The following HEBP2 variants were observed in gnomAD, a reference collection of about 807,000 sequenced individuals.
HEBP2 encodes the protein heme binding protein 2.
Under a neutral mutation model 23.1 loss-of-function variants are expected in HEBP2, and 27 were observed. The observed-to-expected ratio is 1.17, with a 90% CI of 0.86 to 1.61. The LOEUF is 1.61. Among genes scored for constraint, HEBP2 ranks in the 40% most tolerant of loss-of-function variants. HEBP2 has a pLI of 0.00. For missense variants in HEBP2, 245 were observed against 253.8 expected (o/e 0.97, Z 0.24); for synonymous variants, 99 against 95.1 (o/e 1.04, Z -0.24).
At chr6:138,408,526 C>T (rs1321921270) in intron 3 of HEBP2, among the ~76,000 whole-genome samples, 3 of 152,150 alleles carry the variant, frequency 2.0e-5, no homozygotes, top group Non-Finnish European at 4.4e-5. Flanking sequence ...TCACCATGAT[C>T]TGGTATGACT....
At position 138,420,734 on chromosome 6, in the gene HEBP2, C is replaced by T. The variant is rs1156736310; in HGVS notation, c.*7656C>T. 6.6e-6 allele frequency: 1 copy of T among 152,264 alleles called. No individual in the cohort carries two copies. Among genetic ancestry groups the T allele is most frequent in the African/African-American group, 2.4e-5 (1 of 41,446 alleles). 9.4% of individuals were successfully genotyped at this position (152,264 alleles called of 1,614,324 possible). A position where few individuals can be genotyped will look rare whatever the true frequency, so the allele number is the denominator to read the frequency against. ...CTCCTCCAATGAGTGACCTTTTTCC[C>T]AGAGTTCCCCTGGGATGGCAGCTCG... On this transcript the variant is annotated 3_prime_UTR_variant, in exon 4 of 4. Transcript: ENST00000607197.
At position 138,404,329 on chromosome 6, in the gene HEBP2, G is replaced by A. The variant is rs1013616633; in HGVS notation, c.-167G>A. On this transcript the variant is annotated 5_prime_UTR_variant, in exon 1 of 4. Transcript: ENST00000607197. ...TGGCGGCGCCCCCTCGCGGTCCAGAGGCAGACGCATCGGGTGGGCTCGGGT... is the reference window on the plus strand; with the variant it reads ...TGGCGGCGCCCCCTCGCGGTCCAGAAGCAGACGCATCGGGTGGGCTCGGGT... 10 of 375,410 alleles carry A rather than the reference G, an allele frequency of 2.7e-5. No homozygotes were observed. Among genetic ancestry groups the A allele is most frequent in the Admixed American group, 1.9e-4 (4 of 20,936 alleles). The allele number at this position is 375,410 out of a possible 1,614,324, so 23.3% of individuals were successfully genotyped here. A position where few individuals can be genotyped will look rare whatever the true frequency, so the allele number is the denominator to read the frequency against.
chr6:138,407,421 A>G (rs960873222), intron 3 of HEBP2, among the ~76,000 whole-genome samples: 1 of 152,262 alleles, frequency 6.6e-6, no homozygotes, highest in Non-Finnish European at 1.5e-5. Flanking sequence ...CTTTGACTCA[A>G]AGCTCTTCCC....
Position 138,416,372 on chromosome 6 carries a change from A to G in HEBP2, c.*3294A>G, listed in dbSNP as rs1024007881. ...AGGAATGAGAAGGCTCAGGGAAGGGAGCATGCCAGCATGGATATATGAGGC... is the reference window on the plus strand; with the variant it reads ...AGGAATGAGAAGGCTCAGGGAAGGGGGCATGCCAGCATGGATATATGAGGC... On this transcript the variant is annotated 3_prime_UTR_variant, in exon 4 of 4. Coordinates refer to ENST00000607197, the MANE Select transcript of HEBP2 (RefSeq NM_014320.3). 4.6e-5 allele frequency: 7 copies of G among 152,310 alleles called. No homozygotes were observed. The highest frequency in any genetic ancestry group is 8.8e-5 in the Non-Finnish European group (6 of 68,092). 9.4% of individuals were successfully genotyped at this position (152,310 alleles called of 1,614,324 possible).
chr6:138,404,134 G>C, upstream of HEBP2: 1 of 226,818 alleles, frequency 4.4e-6, no homozygotes. Context: ...TGCCCGCGGG[G>C]CCACCTGTGT....
At chr6:138,410,070 T>C (rs1382622742) in intron 3 of HEBP2, among the ~76,000 whole-genome samples, 1 of 152,174 alleles carries the variant, frequency 6.6e-6, no homozygotes, top group Admixed American at 6.5e-5. Context: ...AATGACACCT[T>C]TTCTGTGATG....
At position 138,405,300 on chromosome 6, in the gene HEBP2, T is replaced by C. The variant is rs1485495476; in HGVS notation, c.238+20T>C. On this transcript the variant is annotated intron_variant, in intron 2 of 3. Transcript: ENST00000607197. ...AGAAAGGTAAAAGCAGTTTTCCTTG[T>C]AATTATGCATATTGTGAAAGAGTCC... The C allele has an allele frequency of 6.2e-7, 1 of 1,613,882 alleles. No individual in the cohort carries two copies. The highest frequency in any genetic ancestry group is 1.7e-5 in the Admixed American group (1 of 59,998).
Position 138,404,417 on chromosome 6 carries a change from C to A in HEBP2, c.-79C>A. On this transcript the variant is annotated 5_prime_UTR_variant, in exon 1 of 4. Coordinates refer to ENST00000607197, the MANE Select transcript of HEBP2 (RefSeq NM_014320.3). The stretch of plus-strand genomic sequence containing the variant: ...GCGGGGACTCGGGGCCTCGGCGGGG[C>A]GCGCACACGCAGGCGGGGCGGCCCG... The A allele has an allele frequency of 3.1e-6, 3 of 980,394 alleles. No homozygotes were observed. The highest frequency in any genetic ancestry group is 3.9e-6 in the Non-Finnish European group (3 of 766,906). 60.7% of individuals were successfully genotyped at this position (980,394 alleles called of 1,614,324 possible). A position where few individuals can be genotyped will look rare whatever the true frequency, so the allele number is the denominator to read the frequency against.
upstream of HEBP2, among the ~76,000 whole-genome samples, chr6:138,404,030 C>A (rs1322650873): frequency 1.3e-5 from 2 of 151,790 alleles, no homozygotes; most frequent in Non-Finnish European, 2.9e-5. Flanking sequence ...GCTGGGACAC[C>A]CTCGAGGCGG....
chr6:138,405,959 T>C lies in HEBP2; in HGVS notation c.239-12T>C. 2 of 1,603,814 alleles carry C rather than the reference T, an allele frequency of 1.2e-6. No individual in the cohort carries two copies. The highest frequency in any genetic ancestry group is 2.2e-5 in the South Asian group (2 of 89,028). Reference sequence around the variant, plus strand: ...AAAATACACTAAATTTGCTTTCATTTTTATGTCACAGAGATGAAAATAAAG... The same window carrying C: ...AAAATACACTAAATTTGCTTTCATTCTTATGTCACAGAGATGAAAATAAAG... On this transcript the variant is annotated splice_polypyrimidine_tract_variant and intron_variant, in intron 2 of 3. Transcript: ENST00000607197.
intron 3 of HEBP2, among the ~76,000 whole-genome samples, chr6:138,406,426 G>C (rs1445043349): frequency 1.3e-5 from 2 of 152,200 alleles, no homozygotes; most frequent in African/African-American, 4.8e-5. Context: ...AATATAGTTA[G>C]ACCTGAACAA....
At chr6:138,411,148 A>T (rs1774739397) in intron 3 of HEBP2, among the ~76,000 whole-genome samples, 1 of 152,234 alleles carries the variant, frequency 6.6e-6, no homozygotes, top group Admixed American at 6.5e-5. Flanking sequence ...AATCAAATTC[A>T]TCATGCTTGC....
intron 1 of HEBP2, 61 bp downstream of exon 1, chr6:138,404,658 C>A: frequency 9.7e-7 from 1 of 1,029,632 alleles, no homozygotes; most frequent in South Asian, 3.7e-5. Context: ...TGCAGTGAGG[C>A]CAGCGGGTCC....
Position 138,415,705 on chromosome 6 carries a change from A to G in HEBP2, c.*2627A>G, listed in dbSNP as rs1182217156. ...TGATGGTAAAAGTAGCTAACAGCCA[A>G]CAAATACTCAACCAAGCCAGGTCTG... On this transcript the variant is annotated 3_prime_UTR_variant, in exon 4 of 4. Transcript: ENST00000607197. 1.3e-5 allele frequency: 2 copies of G among 152,342 alleles called. No homozygotes were observed. Among genetic ancestry groups the G allele is most frequent in the Non-Finnish European group, 2.9e-5 (2 of 68,038 alleles). The allele number at this position is 152,342 out of a possible 1,614,324, so 9.4% of individuals were successfully genotyped here. A position where few individuals can be genotyped will look rare whatever the true frequency, so the allele number is the denominator to read the frequency against.
Position 138,411,659 on chromosome 6 carries a change from T to C in HEBP2, c.420-1221T>C, listed in dbSNP as rs148665541. Among the ~76,000 whole-genome samples, 846 of 152,310 alleles carry C rather than the reference T, an allele frequency of 5.6e-3. 5 individuals carry two copies. Among genetic ancestry groups the C allele is most frequent in the Middle Eastern group, 0.031 (9 of 294 alleles). ...CACAACACTTTGATCCTGTCCCTGT[T>C]TAAAACCCTTCTCAGAGGCCGGGCG... On this transcript the variant is annotated intron_variant, in intron 3 of 3. Coordinates refer to ENST00000607197, the MANE Select transcript of HEBP2 (RefSeq NM_014320.3).
chr6:138,412,065 G>A (rs1007941273), intron 3 of HEBP2: 3 of 449,916 alleles, frequency 6.7e-6, no homozygotes, highest in African/African-American at 6.1e-5. Context: ...GTAATCCAGT[G>A]TTTATTCTTT....
At chr6:138,407,424 C>T (rs1774667264) in intron 3 of HEBP2, among the ~76,000 whole-genome samples, 3 of 152,258 alleles carry the variant, frequency 2.0e-5, no homozygotes. Flanking sequence ...TGACTCAAAG[C>T]TCTTCCCTCT....
At position 138,417,282 on chromosome 6, in the gene HEBP2, G is replaced by C. The variant is rs539389889; in HGVS notation, c.*4204G>C. 1 of 152,280 alleles carries C rather than the reference G, an allele frequency of 6.6e-6. No individual in the cohort carries two copies. Among genetic ancestry groups the C allele is most frequent in the African/African-American group, 2.4e-5 (1 of 41,558 alleles). 9.4% of individuals were successfully genotyped at this position (152,280 alleles called of 1,614,324 possible). ...AACCCCTACATTTGTTCCTTGACCT[G>C]TGGGGAAAGAGTATAAGCTTCTAAA... On this transcript the variant is annotated 3_prime_UTR_variant, in exon 4 of 4. Coordinates refer to ENST00000607197, the MANE Select transcript of HEBP2 (RefSeq NM_014320.3).
rs570956226 is a variant in HEBP2, at chr6:138,418,938, C to T, written c.*5860C>T. On this transcript the variant is annotated 3_prime_UTR_variant, in exon 4 of 4. Coordinates refer to ENST00000607197, the MANE Select transcript of HEBP2 (RefSeq NM_014320.3). ...GATCAGGAGTTTGGGAGGAAAAAAA[C>T]ATGGATTAGGAGGTCTGGGGTAGAG... 1 of 152,016 alleles carries T rather than the reference C, an allele frequency of 6.6e-6. No individual in the cohort carries two copies. The highest frequency in any genetic ancestry group is 1.5e-5 in the Non-Finnish European group (1 of 68,004). 9.4% of individuals were successfully genotyped at this position (152,016 alleles called of 1,614,324 possible). A position where few individuals can be genotyped will look rare whatever the true frequency, so the allele number is the denominator to read the frequency against.
Sources: gnomAD v4.1 joint callset for allele counts (sites outside exome capture counted in the v4.1 genomes callset) on GRCh38, gnomAD v4.1.1 for gene constraint, MANE v1.5 for transcripts, NCBI Gene and HGNC (gene_info 2026-07-23, HGNC 2026-07-21) for gene names.